The following RABGAP1 variants were observed in gnomAD, a reference collection of about 807,000 sequenced individuals.
RABGAP1 encodes RAB GTPase activating protein 1.
Under a neutral mutation model 137.6 loss-of-function variants are expected in RABGAP1, and 23 were observed. The observed-to-expected ratio is 0.17, with a 90% CI of 0.12 to 0.24. The LOEUF (loss-of-function observed/expected upper bound fraction) is 0.24, where lower values mean the gene tolerates loss of function less well. RABGAP1 is among the 10% of genes least tolerant of loss of function. The pLI is 1.00. For missense variants in RABGAP1, 906 were observed against 1,275.8 expected (o/e 0.71, Z 4.42); for synonymous variants, 451 against 450.7 (o/e 1.00, Z -0.01).
chr9:123,002,331 G>C (rs1837364171), intron 10 of RABGAP1, among the ~76,000 whole-genome samples: 2 of 146,314 alleles, frequency 1.4e-5, no homozygotes. Flanking sequence ...ATGGTAAATA[G>C]AAATTAGTTG....
At chr9:123,012,121 G>A (rs2131885568) in intron 11 of RABGAP1, among the ~76,000 whole-genome samples, 1 of 152,326 alleles carries the variant, frequency 6.6e-6, no homozygotes. Context: ...TTCACATAAA[G>A]CATTTTGAAG....
the RABGAP1 span, among the ~76,000 whole-genome samples, chr9:122,935,372 C>T: frequency 1.3e-5 from 2 of 152,040 alleles, no homozygotes; most frequent in Admixed American, 6.5e-5. Flanking sequence ...CAGTCTCGCT[C>T]TGTCACCCAG....
intron 24 of RABGAP1, 113 bp downstream of exon 24, chr9:123,099,662 A>G: frequency 5.9e-6 from 5 of 851,800 alleles, no homozygotes; most frequent in Non-Finnish European, 9.4e-6. Context: ...TCTAAGCAAT[A>G]AGGCACCTGT....
At chr9:122,969,903 T>C (rs1353640889) in intron 2 of RABGAP1, among the ~76,000 whole-genome samples, 1 of 152,002 alleles carries the variant, frequency 6.6e-6, no homozygotes, top group East Asian at 1.9e-4. Context: ...TCTCGAGTTT[T>C]GTTTGTTTGT....
rs371003060 is a variant in RABGAP1, at chr9:123,029,935, G to A, written c.1794+9476G>A. Among the ~76,000 whole-genome samples, 23 of 152,086 alleles carry A rather than the reference G, an allele frequency of 1.5e-4. 1 individual carries two copies. Among genetic ancestry groups the A allele is most frequent in the African/African-American group, 5.1e-4 (21 of 41,382 alleles). On this transcript the variant is annotated intron_variant, in intron 13 of 25. Transcript: ENST00000373647. ...AGTAGTTAAGTCTCTGAATAGGTTGGGAGAAAAAGAAATATAATTTGAACA... is the reference window on the plus strand; with the variant it reads ...AGTAGTTAAGTCTCTGAATAGGTTGAGAGAAAAAGAAATATAATTTGAACA...
At chr9:122,981,471 G>A (rs1754762868) in intron 2 of RABGAP1, among the ~76,000 whole-genome samples, 1 of 152,058 alleles carries the variant, frequency 6.6e-6, no homozygotes, top group South Asian at 2.1e-4. Flanking sequence ...GGATAGTCAT[G>A]GTCAAAAATC....
rs568911849 is a variant in RABGAP1 at position 123,059,188 on chromosome 9, G to C, written c.1795-6160G>C. ...AAATTAATCAGACACGGTTGTGCCAGTAGAAGTAAAGAGATAAAGGAAGAT... is the reference window on the plus strand; with the variant it reads ...AAATTAATCAGACACGGTTGTGCCACTAGAAGTAAAGAGATAAAGGAAGAT... On this transcript the variant is annotated intron_variant, in intron 13 of 25. Transcript: ENST00000373647. Among the ~76,000 whole-genome samples, 17 of 152,324 alleles carry C rather than the reference G, an allele frequency of 1.1e-4. No individual in the cohort carries two copies. The East Asian group carries it at 3.3e-3, about 29-fold the overall frequency.
chr9:122,942,475 G>A (rs2131567082), intron 1 of RABGAP1, among the ~76,000 whole-genome samples: 1 of 152,136 alleles, frequency 6.6e-6, no homozygotes, highest in South Asian at 2.1e-4. Flanking sequence ...TTCGAGACCA[G>A]CCTGTCCAAT....
chr9:123,038,209 G>A (rs1025568696), intron 13 of RABGAP1, among the ~76,000 whole-genome samples: 2 of 151,756 alleles, frequency 1.3e-5, no homozygotes, highest in East Asian at 1.9e-4. Context: ...GGATATTTGC[G>A]TTTTTTTCAC....
At chr9:123,016,923 A>AC (rs1304719781) in intron 12 of RABGAP1, among the ~76,000 whole-genome samples, 1 of 152,226 alleles carries the variant, frequency 6.6e-6, no homozygotes, top group Admixed American at 6.5e-5. Context: ...TTTTGACAAA[A>AC]CACTCTCCAC....
chr9:122,987,035 G>A lies in RABGAP1; in HGVS notation c.590+616G>A, dbSNP rs183646027. Among the ~76,000 whole-genome samples, 280 of 152,232 alleles carry A rather than the reference G, an allele frequency of 1.8e-3. 2 individuals are homozygous for A. Among genetic ancestry groups the A allele is most frequent in the South Asian group, 4.6e-3 (22 of 4,828 alleles). ...ACCTATAGTCCCAGCTACTCAGGAGGCTGAAATGGGAGGATCACCTGAGCC... is the reference window on the plus strand; with the variant it reads ...ACCTATAGTCCCAGCTACTCAGGAGACTGAAATGGGAGGATCACCTGAGCC... On this transcript the variant is annotated intron_variant, in intron 4 of 25. Coordinates refer to ENST00000373647, the MANE Select transcript of RABGAP1 (RefSeq NM_012197.4).
At chr9:123,013,484 C>G (rs951867934) in intron 11 of RABGAP1, among the ~76,000 whole-genome samples, 1 of 151,972 alleles carries the variant, frequency 6.6e-6, no homozygotes, top group African/African-American at 2.4e-5. Flanking sequence ...GGTGCCCACA[C>G]CACACCTAGC....
chr9:123,024,093 CAT>C (rs1317107847), intron 13 of RABGAP1, among the ~76,000 whole-genome samples: 1 of 152,188 alleles, frequency 6.6e-6, no homozygotes, highest in Non-Finnish European at 1.5e-5. Flanking sequence ...CTTTCAGTAA[CAT>C]AAAATACATA....
intron 13 of RABGAP1, chr9:123,029,344 T>C: frequency 1.2e-6 from 1 of 807,820 alleles, no homozygotes; most frequent in Middle Eastern, 3.8e-4. Context: ...AATAAAGTTT[T>C]ATTTTTCCAA....
chr9:123,039,339 T>C (rs998215723), intron 13 of RABGAP1, among the ~76,000 whole-genome samples: 65 of 152,292 alleles, frequency 4.3e-4, no homozygotes, highest in African/African-American at 1.5e-3. Context: ...AGGGACAGTG[T>C]CTCTTATCTG....
At chr9:122,944,228 A>G (rs990431379) in intron 1 of RABGAP1, among the ~76,000 whole-genome samples, 1 of 149,760 alleles carries the variant, frequency 6.7e-6, no homozygotes, top group African/African-American at 2.5e-5. Context: ...AATACAACAC[A>G]CTTTTTTTTT....
At chr9:122,950,377 CTTTTTTTTTTTTT>C (rs200424486) in intron 1 of RABGAP1, among the ~76,000 whole-genome samples, 1 of 74,492 alleles carries the variant, frequency 1.3e-5, no homozygotes, top group Non-Finnish European at 2.4e-5. Flanking sequence ...CTTTTTCTTT[CTTTTTTTTTTTTT>C]TTTTTTTTTG....
chr9:123,075,715 A>C (rs2034488679), intron 17 of RABGAP1, among the ~76,000 whole-genome samples: 1 of 152,230 alleles, frequency 6.6e-6, no homozygotes, highest in Admixed American at 6.5e-5. Flanking sequence ...GAAAACCCAT[A>C]GGAGAGTATT....
At chr9:123,064,341 A>G (rs2034097976) in intron 13 of RABGAP1, among the ~76,000 whole-genome samples, 1 of 152,226 alleles carries the variant, frequency 6.6e-6, no homozygotes, top group Non-Finnish European at 1.5e-5. Context: ...CCTTGAAGGT[A>G]TAAATAGTTT....
Sources: gnomAD v4.1 joint callset for allele counts (sites outside exome capture counted in the v4.1 genomes callset) on GRCh38, gnomAD v4.1.1 for gene constraint, MANE v1.5 for transcripts, NCBI Gene and HGNC (gene_info 2026-07-23, HGNC 2026-07-21) for gene names.